The following PCLO variants were observed in gnomAD, a reference collection of about 807,000 sequenced individuals.
PCLO encodes the protein protein piccolo.
Under a neutral mutation model 427.5 loss-of-function variants are expected in PCLO, and 82 were observed. That is an observed-to-expected ratio of 0.19 (90% CI 0.16 to 0.23). PCLO has a LOEUF of 0.23. PCLO is among the 10% of genes least tolerant of loss of function. The probability of loss-of-function intolerance (pLI) is 1.00; values close to 1 mark genes in which losing one functional copy is unlikely to be tolerated. For synonymous variants in PCLO, 2,357 were observed against 2,155.4 expected (o/e 1.09, Z -2.59); for missense variants, 6,239 against 6,115.9 (o/e 1.02, Z -0.67).
At chr7:83,052,697 C>T (rs972466474) in intron 3 of PCLO, among the ~76,000 whole-genome samples, 3 of 151,958 alleles carry the variant, frequency 2.0e-5, no homozygotes, top group East Asian at 1.9e-4. Flanking sequence ...GCCTCTACCT[C>T]GTTGGTTGTT....
At chr7:82,762,103 G>A (rs142115820) in intron 22 of PCLO, among the ~76,000 whole-genome samples, 32 of 152,004 alleles carry the variant, frequency 2.1e-4, no homozygotes, top group African/African-American at 7.2e-4. Flanking sequence ...CGTGCTTATT[G>A]GTTTCATGCT....
intron 3 of PCLO, among the ~76,000 whole-genome samples, chr7:83,075,312 G>A (rs1789924115): frequency 6.6e-6 from 1 of 152,108 alleles, no homozygotes. Context: ...TTTGGATGAG[G>A]AGTCAGTCAG....
At chr7:83,105,667 C>A (rs1790836306) in intron 3 of PCLO, among the ~76,000 whole-genome samples, 1 of 152,104 alleles carries the variant, frequency 6.6e-6, no homozygotes, top group African/African-American at 2.4e-5. Context: ...GGACACTGTG[C>A]AAAGTGCTAT....
At chr7:82,835,905 T>C (rs1205517850) in intron 15 of PCLO, among the ~76,000 whole-genome samples, 1 of 152,130 alleles carries the variant, frequency 6.6e-6, no homozygotes, top group Admixed American at 6.6e-5. Context: ...CCTTTGCTTG[T>C]CTAATAATTA....
Position 83,123,183 on chromosome 7 carries a change from G to A in PCLO, c.3300+11067C>T, listed in dbSNP as rs532975821. 1.5e-4 allele frequency among the ~76,000 whole-genome samples: 23 copies of A among 152,128 alleles called. No homozygotes were observed. In the South Asian group the frequency reaches 4.4e-3, roughly 29 times the overall value. On this transcript the variant is annotated intron_variant, in intron 3 of 24. Transcript: ENST00000333891. ...ATAGCCAAAGCCATCCTGAGCAAAA[G>A]GAATAAAACTGGAAGACTCACATTA... is the stretch of plus-strand genomic sequence containing the variant.
chr7:82,763,623 G>T (rs1790474598), intron 22 of PCLO, among the ~76,000 whole-genome samples: 1 of 151,974 alleles, frequency 6.6e-6, no homozygotes, highest in African/African-American at 2.4e-5. Flanking sequence ...CTTAAAATTT[G>T]TAAGTCCAGA....
At chr7:82,997,284 C>T (rs1460685649) in intron 3 of PCLO, among the ~76,000 whole-genome samples, 1 of 151,942 alleles carries the variant, frequency 6.6e-6, no homozygotes, top group African/African-American at 2.4e-5. Context: ...CAGAAAAGCA[C>T]ACGATCAAAT....
In PCLO at chr7:82,915,888, G is replaced by C; in HGVS notation, c.12098C>G (p.Ser4033Cys). Residue 4033 changes from serine to cysteine, a missense_variant, in exon 7 of 25, where the codon TCT becomes TGT. By Grantham distance (112) the Ser-to-Cys change is moderately radical. Coordinates refer to ENST00000333891, the MANE Select transcript of PCLO (RefSeq NM_033026.6). ...SSPISSISAD[S>C]FYADIDHHTP... ...ATGGTGATCAATATCTGCATAGAAA[G>C]AATCTGCAGATATGCTTGATATTGG... is the stretch of plus-strand genomic sequence containing the variant. The C allele has an allele frequency of 6.2e-7, 1 of 1,613,456 alleles. No individual in the cohort carries two copies. Among genetic ancestry groups the C allele is most frequent in the East Asian group, 2.2e-5 (1 of 44,836 alleles).
chr7:82,787,379 T>C (rs899316049), intron 22 of PCLO, among the ~76,000 whole-genome samples: 2 of 152,202 alleles, frequency 1.3e-5, no homozygotes, highest in African/African-American at 2.4e-5. Context: ...GCTGCATAAA[T>C]ATCTTCTTTT....
chr7:82,906,036 T>C (rs992422342), intron 8 of PCLO, among the ~76,000 whole-genome samples: 5 of 151,584 alleles, frequency 3.3e-5, no homozygotes, highest in Non-Finnish European at 7.4e-5. Context: ...GATAGATAGA[T>C]AGATAGATAG....
Position 83,162,738 on chromosome 7 carries a change from G to T in PCLO, c.-146C>A, listed in dbSNP as rs1233707837. 2 of 1,032,282 alleles carry T rather than the reference G, an allele frequency of 1.9e-6. No individual in the cohort carries two copies. Among genetic ancestry groups the T allele is most frequent in the Non-Finnish European group, 2.7e-6 (2 of 735,258 alleles). 63.9% of individuals were successfully genotyped at this position (1,032,282 alleles called of 1,614,324 possible). On this transcript the variant is annotated 5_prime_UTR_variant, in exon 1 of 25. Coordinates refer to ENST00000333891, the MANE Select transcript of PCLO (RefSeq NM_033026.6). ...CCTGGACTCTGGACCAGGCACTGCC[G>T]CCCGGAACGCCAGGCAGGGGTTAGT... is the stretch of plus-strand genomic sequence containing the variant.
chr7:83,159,497 T>G (rs559428887), intron 1 of PCLO, among the ~76,000 whole-genome samples: 13 of 152,122 alleles, frequency 8.5e-5, no homozygotes, highest in Middle Eastern at 3.4e-3. Flanking sequence ...CCATGAGCAT[T>G]TCATTTGTAA....
At chr7:83,055,231 C>G (rs1327329209) in intron 3 of PCLO, among the ~76,000 whole-genome samples, 1 of 152,110 alleles carries the variant, frequency 6.6e-6, no homozygotes. Context: ...GGGACGCCTT[C>G]TCACCCATTG....
intron 3 of PCLO, among the ~76,000 whole-genome samples, chr7:82,999,107 T>C (rs1005611157): frequency 8.2e-5 from 12 of 146,392 alleles, no homozygotes; most frequent in Non-Finnish European, 1.5e-4. Context: ...TGAGATTAAA[T>C]ATCAAGAATA....
At chr7:83,016,855 C>T (rs1277159848) in intron 3 of PCLO, among the ~76,000 whole-genome samples, 1 of 152,108 alleles carries the variant, frequency 6.6e-6, no homozygotes, top group Admixed American at 6.6e-5. Flanking sequence ...TCAACTGTCC[C>T]TTTAGGCTGT....
intron 3 of PCLO, among the ~76,000 whole-genome samples, chr7:83,007,194 A>C (rs1787967483): frequency 6.6e-6 from 1 of 151,560 alleles, no homozygotes; most frequent in South Asian, 2.1e-4. Flanking sequence ...TCTCCAACAG[A>C]AAAACAGTCA....
chr7:83,020,311 G>A (rs1051174896), intron 3 of PCLO, among the ~76,000 whole-genome samples: 2 of 152,058 alleles, frequency 1.3e-5, no homozygotes, highest in Non-Finnish European at 1.5e-5. Context: ...ACTTGATGAA[G>A]CTTAACTAAT....
rs760827935 is a variant in PCLO, at chr7:82,954,207, C to T, written c.6746G>A (p.Arg2249Gln). ...AGCTCTACCATCTGGTGGGGCAGTC[C>T]GATCTAAAGATACACTTATTTCTTC... ...YPEEISVSLD[R>Q]TAPPDGRASA... The change falls in exon 5 of 25, where the codon CGG (arginine) becomes CAG (glutamine). Residue 2249 changes from arginine (R) to glutamine (Q), a missense_variant. By Grantham distance (43) the Arg-to-Gln change is conservative. Coordinates refer to ENST00000333891, the MANE Select transcript of PCLO (RefSeq NM_033026.6). 1.6e-5 allele frequency: 26 copies of T among 1,613,218 alleles called. No individual in the cohort carries two copies. The highest frequency in any genetic ancestry group is 6.7e-5 in the African/African-American group (5 of 74,876).
chr7:83,125,330 G>A (rs1791409617), intron 3 of PCLO, among the ~76,000 whole-genome samples: 1 of 152,150 alleles, frequency 6.6e-6, no homozygotes, highest in South Asian at 2.1e-4. Context: ...CCGCCCGGCA[G>A]CCGCCCCATC....
Sources: gnomAD v4.1 joint callset for allele counts (sites outside exome capture counted in the v4.1 genomes callset) on GRCh38, gnomAD v4.1.1 for gene constraint, MANE v1.5 for transcripts, NCBI Gene and HGNC (gene_info 2026-07-23, HGNC 2026-07-21) for gene names.